COL22A1: variants seen among roughly 807,000 people sequenced by gnomAD.
COL22A1 encodes the protein collagen alpha-1(XXII) chain.
In COL22A1, 221 loss-of-function variants were observed where a neutral mutation model predicts 248.9. The observed-to-expected ratio is 0.89, with a 90% confidence interval of 0.80 to 0.99. The LOEUF (loss-of-function observed/expected upper bound fraction) is 0.99, where lower values mean the gene tolerates loss of function less well. Among genes scored for constraint, COL22A1 ranks in the 50% least tolerant of loss-of-function variants. The pLI is 0.00. For synonymous variants in COL22A1, 891 were observed against 793.4 expected (o/e 1.12, Z -2.07); for missense variants, 2,240 against 2,179.0 (o/e 1.03, Z -0.56).
intron 22 of COL22A1, among the ~76,000 whole-genome samples, chr8:138,750,320 AAATT>A (rs1832486299): frequency 6.6e-6 from 1 of 152,158 alleles, no homozygotes; most frequent in Non-Finnish European, 1.5e-5. Context: ...GCCTTAAAAT[AAATT>A]ATTTGTAGAA....
At chr8:138,813,645 CGTTCT>C (rs1563799517) in intron 7 of COL22A1, among the ~76,000 whole-genome samples, 58 of 51,284 alleles carry the variant, frequency 1.1e-3, no homozygotes, top group African/African-American at 3.4e-3. Context: ...TCCAGCGTTT[CGTTCT>C]ACACTGAAGG....
chr8:138,706,031 A>T (rs1046133020), intron 30 of COL22A1, among the ~76,000 whole-genome samples: 12 of 152,262 alleles, frequency 7.9e-5, no homozygotes, highest in African/African-American at 2.7e-4. Context: ...AGATCAAAAC[A>T]GACAAAGAAG....
At chr8:138,911,483 C>A (rs1815447073) in intron 1 of COL22A1, among the ~76,000 whole-genome samples, 1 of 152,200 alleles carries the variant, frequency 6.6e-6, no homozygotes, top group African/African-American at 2.4e-5. Context: ...TCAGAGCAAG[C>A]AAGCTCCCAG....
At chr8:138,626,888 C>T (rs1820291511) in intron 50 of COL22A1, among the ~76,000 whole-genome samples, 1 of 152,148 alleles carries the variant, frequency 6.6e-6, no homozygotes, top group Non-Finnish European at 1.5e-5. Flanking sequence ...TATAAATCAG[C>T]ATTATATAAT....
chr8:138,819,185 G>C (rs1434725135), intron 7 of COL22A1, among the ~76,000 whole-genome samples: 2 of 152,144 alleles, frequency 1.3e-5, no homozygotes, highest in Non-Finnish European at 1.5e-5. Context: ...TCTTTTGCCA[G>C]AATGCCACTT....
intron 10 of COL22A1, among the ~76,000 whole-genome samples, 191 bp downstream of exon 10, chr8:138,807,577 G>A (rs1817833716): frequency 6.6e-6 from 1 of 152,198 alleles, no homozygotes; most frequent in Non-Finnish European, 1.5e-5. Flanking sequence ...AGAACTGGAG[G>A]TTCTGGGCAG....
chr8:138,702,679 A>G (rs1586505447), intron 31 of COL22A1, among the ~76,000 whole-genome samples: 1 of 152,152 alleles, frequency 6.6e-6, no homozygotes, highest in South Asian at 2.1e-4. Flanking sequence ...GATAAATAAT[A>G]ATAATAGCAA....
chr8:138,782,826 G>A (rs966613662), intron 12 of COL22A1, among the ~76,000 whole-genome samples: 2 of 142,294 alleles, frequency 1.4e-5, no homozygotes, highest in Admixed American at 1.3e-4. Context: ...GATGACAGAC[G>A]GATCAATGGA....
intron 16 of COL22A1, among the ~76,000 whole-genome samples, chr8:138,765,571 C>T (rs142868223): frequency 5.9e-5 from 9 of 152,322 alleles, no homozygotes; most frequent in East Asian, 1.9e-4. Flanking sequence ...GGAACGCAGG[C>T]GCACAATTCC....
chr8:138,806,143 T>C (rs1817685458), intron 10 of COL22A1, among the ~76,000 whole-genome samples: 1 of 15,386 alleles, frequency 6.5e-5, no homozygotes, highest in Non-Finnish European at 1.5e-4. Context: ...TGTGGTGGTG[T>C]GTGTGTGATG....
chr8:138,805,010 T>G (rs1817362799), intron 10 of COL22A1, among the ~76,000 whole-genome samples: 1 of 140,980 alleles, frequency 7.1e-6, no homozygotes, highest in Non-Finnish European at 1.5e-5. Flanking sequence ...GGCAATGGTG[T>G]GTGGTGGTGT....
chr8:138,711,062 G>A (rs1228170740), intron 30 of COL22A1, among the ~76,000 whole-genome samples: 8 of 152,274 alleles, frequency 5.3e-5, no homozygotes, highest in South Asian at 2.1e-4. Context: ...GAAGAACAGC[G>A]AGCTGGAGCA....
chr8:138,628,820 C>G (rs554805417), intron 50 of COL22A1, among the ~76,000 whole-genome samples: 1 of 141,414 alleles, frequency 7.1e-6, no homozygotes, highest in East Asian at 2.1e-4. Flanking sequence ...GGCTGGAGTG[C>G]GGTGGCGCAA....
chr8:138,680,379 C>T (rs913219285), intron 39 of COL22A1, among the ~76,000 whole-genome samples: 1 of 152,172 alleles, frequency 6.6e-6, no homozygotes. Flanking sequence ...GCCACTTGAG[C>T]CACTTGCCTT....
chr8:138,652,960 T>G (rs1215844660), intron 45 of COL22A1, among the ~76,000 whole-genome samples: 2 of 152,004 alleles, frequency 1.3e-5, no homozygotes, highest in Non-Finnish European at 2.9e-5. Flanking sequence ...TTGGCCAGGC[T>G]GATCTTGCAC....
At chr8:138,726,019 A>G (rs138203921) in intron 23 of COL22A1, among the ~76,000 whole-genome samples, 1 of 152,308 alleles carries the variant, frequency 6.6e-6, no homozygotes, top group Non-Finnish European at 1.5e-5. Flanking sequence ...TGCTTGACAG[A>G]TGTAGATTCT....
rs760164446 is a variant in COL22A1, at chr8:138,724,707, T to G, written c.2194-39A>C. ...ACATGGACCCTGTTAGCCTGGCCTG[T>G]TCAGAGATCAGATCATTGACTCAAC... On this transcript the variant is annotated intron_variant, in intron 24 of 64. Coordinates refer to ENST00000303045, the MANE Select transcript of COL22A1 (RefSeq NM_152888.3). 1.6e-5 allele frequency: 26 copies of G among 1,592,984 alleles called. No homozygotes were observed. The South Asian group carries it at 2.8e-4, about 17-fold the overall frequency.
chr8:138,809,528 C>CTTTTTTTTTTTTTTTTTTTTTTTTT (rs71518485), intron 9 of COL22A1, among the ~76,000 whole-genome samples: 1,568 of 117,438 alleles, frequency 0.013, 80 homozygotes, highest in Non-Finnish European at 0.017. Flanking sequence ...TTTTCTTTTT[C>CTTTTTTTTTTTTTTTTTTTTTTTTT]TTTTTTTTTT....
intron 11 of COL22A1, among the ~76,000 whole-genome samples, chr8:138,801,231 C>G (rs1268164480): frequency 1.3e-5 from 2 of 152,218 alleles, no homozygotes; most frequent in Non-Finnish European, 2.9e-5. Context: ...AATTCTGTCT[C>G]TGCCACATCC....
Sources: allele counts gnomAD v4.1 joint callset (sites outside exome capture counted in the v4.1 genomes callset), GRCh38; gene constraint gnomAD v4.1.1; transcripts MANE v1.5; gene names NCBI Gene and HGNC (gene_info 2026-07-23, HGNC 2026-07-21).